The following PHKB variants were observed in gnomAD, a reference collection of about 807,000 sequenced individuals.
PHKB encodes the protein phosphorylase b kinase regulatory subunit beta.
In PHKB, 122 loss-of-function variants were observed where a neutral mutation model predicts 152.1. The ratio of observed to expected loss-of-function variants is 0.80; its 90% CI spans 0.69 to 0.93. PHKB has a LOEUF of 0.93. PHKB is among the 40% of genes least tolerant of loss of function. The pLI is 0.00. For synonymous variants in PHKB, 436 were observed against 464.9 expected (o/e 0.94, Z 0.80); for missense variants, 1,304 against 1,328.4 (o/e 0.98, Z 0.29).
chr16:47,464,213 C>T (rs1969627779), intron 1 of PHKB: 2 of 553,726 alleles, frequency 3.6e-6, no homozygotes, highest in South Asian at 2.1e-5. Flanking sequence ...GAGTGGAGTG[C>T]CTGCCCCGAT....
rs566190350 is a variant in PHKB at position 47,628,803 on chromosome 16, T to C, written c.1459-12232T>C. Among the ~76,000 whole-genome samples, 39 of 152,212 alleles carry C rather than the reference T, an allele frequency of 2.6e-4. 1 individual carries two copies. The South Asian group carries it at 4.4e-3, about 17-fold the overall frequency. On this transcript the variant is annotated intron_variant, in intron 14 of 30. Coordinates refer to ENST00000323584, the MANE Select transcript of PHKB (RefSeq NM_000293.3). ...CAAGGCTGCAGTAACCAAAACAGCA[T>C]GGTACTGGTACCAAAACAGAGATAT...
chr16:47,470,701 T>G (rs1245624268), intron 1 of PHKB, among the ~76,000 whole-genome samples: 1 of 152,240 alleles, frequency 6.6e-6, no homozygotes, highest in African/African-American at 2.4e-5. Context: ...GCTGCCTTCC[T>G]TCTCTTCATC....
At position 47,660,712 on chromosome 16, in the gene PHKB, A is replaced by T; in HGVS notation, c.2089A>T (p.Lys697Ter). Residue 697 changes from lysine (K) to a stop codon, truncating the protein, a stop_gained, in exon 22 of 31, where the codon AAA becomes TAA. Coordinates refer to ENST00000323584, the MANE Select transcript of PHKB (RefSeq NM_000293.3). LOFTEE classifies it high-confidence loss of function. Reference protein sequence around the residue: ...ELEPPKHSKVKRQSSTPSAPE... With the variant: ...ELEPPKHSKV The stretch of plus-strand genomic sequence containing the variant: ...AGAACCTCCCAAACATTCAAAAGTC[A>T]AACGGCAAAGCAGCACCCCTAGTGC... The T allele has an allele frequency of 6.2e-7, 1 of 1,614,174 alleles. No homozygotes were observed.
intron 6 of PHKB, among the ~76,000 whole-genome samples, chr16:47,526,382 C>T (rs1189424124): frequency 6.6e-6 from 1 of 151,938 alleles, no homozygotes; most frequent in Non-Finnish European, 1.5e-5. Context: ...TGCACTCCAG[C>T]CCGGGCGACA....
At chr16:47,659,749 T>C (rs928391183) in intron 20 of PHKB, among the ~76,000 whole-genome samples, 1 of 152,268 alleles carries the variant, frequency 6.6e-6, no homozygotes, top group African/African-American at 2.4e-5. Flanking sequence ...TATCCTATCA[T>C]TGGATGGCCC....
intron 1 of PHKB, among the ~76,000 whole-genome samples, chr16:47,490,972 A>G (rs1970140569): frequency 6.6e-6 from 1 of 152,190 alleles, no homozygotes; most frequent in Non-Finnish European, 1.5e-5. Flanking sequence ...CTTTAACCCT[A>G]GCCAATACTT....
chr16:47,513,883 A>G (rs1304776662), intron 5 of PHKB, among the ~76,000 whole-genome samples: 2 of 152,214 alleles, frequency 1.3e-5, no homozygotes, highest in African/African-American at 4.8e-5. Flanking sequence ...TCACCTATTT[A>G]AAGTATATAG....
chr16:47,487,703 A>G (rs1970073149), intron 1 of PHKB, among the ~76,000 whole-genome samples: 1 of 152,312 alleles, frequency 6.6e-6, no homozygotes. Context: ...GTATTTAGTT[A>G]TCTGTCTTTG....
chr16:47,698,208 G>C (rs777936187), intron 29 of PHKB, among the ~76,000 whole-genome samples: 1 of 151,992 alleles, frequency 6.6e-6, no homozygotes, highest in Non-Finnish European at 1.5e-5. Flanking sequence ...CTAAGTTAAC[G>C]GTTTTATTTA....
intron 1 of PHKB, among the ~76,000 whole-genome samples, chr16:47,492,668 C>T (rs1029328472): frequency 2.6e-5 from 4 of 152,128 alleles, no homozygotes; most frequent in East Asian, 1.9e-4. Context: ...CTCGCCCTTC[C>T]GTCACAAAAA....
At position 47,598,527 on chromosome 16, in the gene PHKB, C is replaced by T; in HGVS notation, c.1363+1996C>T. On this transcript the variant is annotated intron_variant, in intron 13 of 30. Transcript: ENST00000323584. Reference sequence around the variant, plus strand: ...ATTACCATAATCACCAATTTTAACACTCTCCTACATATTTTCTATATCACT... The same window carrying T: ...ATTACCATAATCACCAATTTTAACATTCTCCTACATATTTTCTATATCACT... The T allele has an allele frequency of 4.9e-6, 3 of 618,424 alleles. No homozygotes were observed. In the South Asian group the frequency reaches 6.2e-5, roughly 13 times the overall value. 38.3% of individuals were successfully genotyped at this position (618,424 alleles called of 1,614,324 possible).
chr16:47,643,433 T>G (rs1973060853), intron 16 of PHKB, among the ~76,000 whole-genome samples: 1 of 152,226 alleles, frequency 6.6e-6, no homozygotes, highest in African/African-American at 2.4e-5. Context: ...AGTAAAGACT[T>G]ACAACAGTTC....
rs1234891725 is a variant in PHKB, at chr16:47,461,512, C to T, written c.76+86C>T. On this transcript the variant is annotated intron_variant, in intron 1 of 30. Transcript: ENST00000323584. ...CGCCTTGGCGGGAGGCAGGTGGGGG[C>T]CCTGGGAATGAACCTGTGCCCCGAG... is the stretch of plus-strand genomic sequence containing the variant. The T allele has an allele frequency of 2.2e-6, 3 of 1,366,894 alleles. No individual in the cohort carries two copies. In the African/African-American group the frequency reaches 4.2e-5, roughly 19 times the overall value. 84.7% of individuals were successfully genotyped at this position (1,366,894 alleles called of 1,614,324 possible).
chr16:47,691,732 T>C (rs539766818), intron 27 of PHKB, among the ~76,000 whole-genome samples: 3 of 151,780 alleles, frequency 2.0e-5, no homozygotes, highest in Non-Finnish European at 2.9e-5. Flanking sequence ...AAAGGGAAGT[T>C]AAGTAAAGAG....
At chr16:47,614,935 G>C (rs1017025008) in intron 14 of PHKB, among the ~76,000 whole-genome samples, 1 of 152,094 alleles carries the variant, frequency 6.6e-6, no homozygotes, top group African/African-American at 2.4e-5. Flanking sequence ...AAATTTCTTA[G>C]TTTTCCTTTG....
intron 7 of PHKB, among the ~76,000 whole-genome samples, chr16:47,553,933 G>A (rs147426074): frequency 1.3e-4 from 20 of 152,210 alleles, no homozygotes; most frequent in Admixed American, 5.9e-4. Flanking sequence ...AGGGGCACCC[G>A]CCAGATGCCA....
At chr16:47,523,289 G>A (rs914093270) in intron 6 of PHKB, among the ~76,000 whole-genome samples, 1 of 152,114 alleles carries the variant, frequency 6.6e-6, no homozygotes, top group African/African-American at 2.4e-5. Flanking sequence ...GTGTGGTGGT[G>A]TTGATGTTTA....
chr16:47,529,754 T>A (rs1174431611), intron 6 of PHKB: 1 of 152,160 alleles, frequency 6.6e-6, no homozygotes, highest in African/African-American at 2.4e-5. Context: ...TGTGGAGCCT[T>A]ATGAAGTTAA....
intron 13 of PHKB, among the ~76,000 whole-genome samples, chr16:47,603,355 T>C (rs747024298): frequency 6.6e-6 from 1 of 152,226 alleles, no homozygotes; most frequent in Non-Finnish European, 1.5e-5. Context: ...TTCATTATCT[T>C]TCTCATGTTA....
Sources: allele counts gnomAD v4.1 joint callset (sites outside exome capture counted in the v4.1 genomes callset), GRCh38; gene constraint gnomAD v4.1.1; transcripts MANE v1.5; gene names NCBI Gene and HGNC (gene_info 2026-07-23, HGNC 2026-07-21).